The following PDE10A variants were observed in gnomAD, a reference collection of about 807,000 sequenced individuals.
PDE10A encodes cAMP and cAMP-inhibited cGMP 3',5'-cyclic phosphodiesterase 10A.
Under a neutral mutation model 97.7 loss-of-function variants are expected in PDE10A, and 39 were observed. The ratio of observed to expected loss-of-function variants is 0.40; its 90% CI spans 0.31 to 0.52. The LOEUF (loss-of-function observed/expected upper bound fraction) is 0.52. PDE10A is among the 20% of genes least tolerant of loss of function. PDE10A has a pLI of 0.56. For missense variants in PDE10A, 731 were observed against 1,047.8 expected (o/e 0.70, Z 4.17); for synonymous variants, 371 against 376.8 (o/e 0.98, Z 0.18).
intron 10 of PDE10A, among the ~76,000 whole-genome samples, chr6:165,423,429 T>G (rs1404668916): frequency 1.3e-5 from 2 of 152,194 alleles, no homozygotes; most frequent in Non-Finnish European, 1.5e-5. Context: ...GTTTGTTGGT[T>G]ACGAGTTCTC....
chr6:165,580,239 G>A (rs1785538872), intron 1 of PDE10A, among the ~76,000 whole-genome samples: 1 of 152,132 alleles, frequency 6.6e-6, no homozygotes, highest in East Asian at 1.9e-4. Context: ...AGAGTCATGA[G>A]GAGGAATGGG....
chr6:165,875,441 G>A (rs1184905499), intron 1 of PDE10A, among the ~76,000 whole-genome samples: 1 of 152,160 alleles, frequency 6.6e-6, no homozygotes, highest in Non-Finnish European at 1.5e-5. Flanking sequence ...TTACGCAGGG[G>A]CATTTAATAG....
At position 165,652,289 on chromosome 6, in the gene PDE10A, C is replaced by T. The variant is rs540405642; in HGVS notation, c.865+9658G>A. On this transcript the variant is annotated intron_variant, in intron 1 of 21. Coordinates refer to ENST00000539869, the MANE Select transcript of PDE10A (RefSeq NM_001385079.1). ...TTTTGTCTTTTGAGGCAGGGTCTCC[C>T]TCTGTTGCCCAGGCTACAGTGCAAT... Among the ~76,000 whole-genome samples, 151 of 151,934 alleles carry T rather than the reference C, an allele frequency of 9.9e-4. 1 individual carries two copies. The highest frequency in any genetic ancestry group is 3.7e-3 in the South Asian group (18 of 4,802).
chr6:165,615,752 T>G (rs1227036967), intron 1 of PDE10A, among the ~76,000 whole-genome samples: 1 of 152,200 alleles, frequency 6.6e-6, no homozygotes, highest in African/African-American at 2.4e-5. Context: ...GCATGTCTTT[T>G]CACACTCCCG....
chr6:165,792,637 C>G (rs1778691437), intron 1 of PDE10A, among the ~76,000 whole-genome samples: 1 of 152,158 alleles, frequency 6.6e-6, no homozygotes, highest in African/African-American at 2.4e-5. Context: ...GGTGACTCCT[C>G]CAGTGCTGTG....
chr6:165,945,684 T>C lies in PDE10A; in HGVS notation c.-615+41845A>G, dbSNP rs192640632. 4.6e-3 allele frequency among the ~76,000 whole-genome samples: 694 copies of C among 152,336 alleles called. 3 individuals carry two copies. Among genetic ancestry groups the C allele is most frequent in the Non-Finnish European group, 5.4e-3 (368 of 68,028 alleles). The stretch of plus-strand genomic sequence containing the variant: ...ACTGCCAGCACCTTGATCTTGGACT[T>C]CCCAGCCTGCAGGACTCTGAGAAAT... On this transcript the variant is annotated intron_variant, in intron 1 of 19. Coordinates refer to the PDE10A transcript ENST00000366882.
chr6:165,465,233 G>C (rs147231648), intron 3 of PDE10A, among the ~76,000 whole-genome samples: 1 of 152,270 alleles, frequency 6.6e-6, no homozygotes, highest in East Asian at 1.9e-4. Flanking sequence ...CAACTATAAT[G>C]ACCCATGAAG....
chr6:165,720,997 G>A (rs758159012), intron 1 of PDE10A, among the ~76,000 whole-genome samples: 3 of 152,226 alleles, frequency 2.0e-5, no homozygotes, highest in Non-Finnish European at 2.9e-5. Context: ...AGGACGTATG[G>A]AAAGTTATGT....
intron 1 of PDE10A, among the ~76,000 whole-genome samples, chr6:165,628,736 T>A (rs1252504342): frequency 6.6e-6 from 1 of 152,176 alleles, no homozygotes; most frequent in East Asian, 1.9e-4. Flanking sequence ...AAAATTTTAA[T>A]TTCAACCCAA....
chr6:165,492,197 C>A (rs570438823), intron 2 of PDE10A, among the ~76,000 whole-genome samples: 2 of 151,922 alleles, frequency 1.3e-5, no homozygotes, highest in Non-Finnish European at 1.5e-5. Context: ...TAACAAGCAG[C>A]GAGATTGAAA....
intron 7 of PDE10A, 109 bp from the exon 8 acceptor site, chr6:165,431,581 C>T: frequency 2.2e-5 from 7 of 314,832 alleles, no homozygotes; most frequent in Non-Finnish European, 4.0e-5. Context: ...CATATATATA[C>T]TATATATAGT....
At chr6:165,822,130 A>G (rs9355550) in intron 1 of PDE10A, among the ~76,000 whole-genome samples, 77,597 of 152,060 alleles carry the variant, frequency 0.51, 21,528 homozygotes, top group East Asian at 0.88. Flanking sequence ...ACGGGGACAT[A>G]TTCTGAGAAA....
intron 1 of PDE10A, among the ~76,000 whole-genome samples, chr6:165,601,898 C>T (rs573559908): frequency 2.6e-5 from 4 of 152,254 alleles, no homozygotes; most frequent in African/African-American, 9.6e-5. Flanking sequence ...CCCACCCTGC[C>T]CTGTTGGCCG....
chr6:165,901,257 C>T (rs575089270), intron 1 of PDE10A, among the ~76,000 whole-genome samples: 1 of 152,208 alleles, frequency 6.6e-6, no homozygotes, highest in Non-Finnish European at 1.5e-5. Context: ...AACAAATGAA[C>T]CTCCACACCA....
chr6:165,625,094 AC>A (rs1421207807), intron 1 of PDE10A, among the ~76,000 whole-genome samples: 2 of 150,560 alleles, frequency 1.3e-5, no homozygotes, highest in Non-Finnish European at 2.9e-5. Flanking sequence ...TGCTGGAGAG[AC>A]GGCCGAGTGG....
chr6:165,433,509 T>C (rs1397358234), intron 6 of PDE10A, among the ~76,000 whole-genome samples: 1 of 152,208 alleles, frequency 6.6e-6, no homozygotes, highest in Non-Finnish European at 1.5e-5. Context: ...ACTCAAAATG[T>C]AAACACTATG....
At chr6:165,784,290 A>T (rs1778431783) in intron 1 of PDE10A, among the ~76,000 whole-genome samples, 1 of 152,050 alleles carries the variant, frequency 6.6e-6, no homozygotes, top group Non-Finnish European at 1.5e-5. Context: ...GACGTGTAGC[A>T]TCCACCCACT....
intron 1 of PDE10A, among the ~76,000 whole-genome samples, chr6:165,612,489 C>T (rs1033698): frequency 0.35 from 53,819 of 151,894 alleles, 9,950 homozygotes; most frequent in Middle Eastern, 0.52. Context: ...CTGCCTCAGC[C>T]TCCCTATTAG....
Position 165,332,950 on chromosome 6 carries a change from CAA to C in PDE10A, c.*73_*74del. Reference sequence around the variant, plus strand: ...AGGTGCAGGTTCCCCCCACCCCCCCCAAAAAAAGGAAAAGAATGTCAAAGAAG... The same window carrying C: ...AGGTGCAGGTTCCCCCCACCCCCCCCAAAAAGGAAAAGAATGTCAAAGAAG... On this transcript the variant is annotated 3_prime_UTR_variant, in exon 22 of 22. Coordinates refer to ENST00000539869, the MANE Select transcript of PDE10A (RefSeq NM_001385079.1). The C allele has an allele frequency of 1.5e-6, 1 of 665,212 alleles. No homozygotes were observed. 41.2% of individuals were successfully genotyped at this position (665,212 alleles called of 1,614,324 possible).
Sources: gnomAD v4.1 joint callset for allele counts (sites outside exome capture counted in the v4.1 genomes callset) on GRCh38, gnomAD v4.1.1 for gene constraint, MANE v1.5 for transcripts, NCBI Gene and HGNC (gene_info 2026-07-23, HGNC 2026-07-21) for gene names.